The following MAGI1 variants were observed in gnomAD, a reference collection of about 807,000 sequenced individuals.
The protein encoded by MAGI1 is membrane associated guanylate kinase, WW and PDZ domain containing 1.
A neutral mutation model predicts 139.9 loss-of-function variants in MAGI1; 58 were observed. The ratio of observed to expected loss-of-function variants is 0.41; its 90% confidence interval spans 0.34 to 0.52. The LOEUF is 0.52. MAGI1 is among the 20% of genes least tolerant of loss of function. MAGI1 has a pLI of 0.12. For missense variants in MAGI1, 1,874 were observed against 1,901.6 expected (o/e 0.99, Z 0.27); for synonymous variants, 812 against 737.9 (o/e 1.10, Z -1.63).
At chr3:65,749,774 T>A (rs546258945) in intron 1 of MAGI1, among the ~76,000 whole-genome samples, 1 of 150,040 alleles carries the variant, frequency 6.7e-6, no homozygotes, top group African/African-American at 2.4e-5. Context: ...TTGAGGGTTA[T>A]AGCCAGTAGA....
chr3:65,958,335 T>C (rs897855647), intron 1 of MAGI1, among the ~76,000 whole-genome samples: 2 of 152,200 alleles, frequency 1.3e-5, no homozygotes, highest in Non-Finnish European at 2.9e-5. Context: ...CACCCTCCAA[T>C]GTTCAACTCA....
At chr3:65,551,457 C>A (rs772786251) in intron 2 of MAGI1, among the ~76,000 whole-genome samples, 1 of 152,156 alleles carries the variant, frequency 6.6e-6, no homozygotes, top group Non-Finnish European at 1.5e-5. Context: ...CGCACCACCG[C>A]GCGCGGCTAA....
intron 2 of MAGI1, among the ~76,000 whole-genome samples, chr3:65,514,141 T>A (rs2077738873): frequency 6.6e-6 from 1 of 150,714 alleles, no homozygotes; most frequent in South Asian, 2.1e-4. Context: ...TCCTTATACC[T>A]TATACAAAAA....
intron 1 of MAGI1, among the ~76,000 whole-genome samples, chr3:65,683,393 G>T (rs2087731179): frequency 6.6e-6 from 1 of 151,900 alleles, no homozygotes; most frequent in African/African-American, 2.4e-5. Context: ...ACGTACAGGG[G>T]TAGGGAGTAT....
intron 1 of MAGI1, among the ~76,000 whole-genome samples, chr3:65,938,562 G>C (rs900785445): frequency 2.6e-5 from 4 of 151,836 alleles, no homozygotes; most frequent in Admixed American, 1.3e-4. Flanking sequence ...CTCGCCAAGA[G>C]ACTTGACACT....
At chr3:65,460,062 A>T (rs977661909) in intron 5 of MAGI1, among the ~76,000 whole-genome samples, 3 of 152,230 alleles carry the variant, frequency 2.0e-5, no homozygotes, top group Non-Finnish European at 2.9e-5. Flanking sequence ...GATGCTCTTT[A>T]ACAAGTCAAA....
chr3:65,616,938 G>A (rs1466305118), intron 2 of MAGI1, among the ~76,000 whole-genome samples: 1 of 152,152 alleles, frequency 6.6e-6, no homozygotes, highest in Admixed American at 6.5e-5. Flanking sequence ...AAGCCATCCT[G>A]GAAACAACTA....
intron 1 of MAGI1, among the ~76,000 whole-genome samples, chr3:65,985,791 A>G (rs985015614): frequency 2.0e-5 from 3 of 152,146 alleles, no homozygotes; most frequent in Admixed American, 1.3e-4. Flanking sequence ...TTTGGCTCAC[A>G]TTTTTTGCAT....
Position 65,568,983 on chromosome 3 carries a change from T to C in MAGI1, c.430+52989A>G, listed in dbSNP as rs573720319. ...GTGCTAAATCCAGCCAGCTGATAAA[T>C]GTTTTGTTTGGCTCACACAGTACTT... is the stretch of plus-strand genomic sequence containing the variant. On this transcript the variant is annotated intron_variant, in intron 2 of 22. Transcript: ENST00000402939. Among the ~76,000 whole-genome samples, 127 of 152,328 alleles carry C rather than the reference T, an allele frequency of 8.3e-4. 1 individual carries two copies. The highest frequency in any genetic ancestry group is 3.0e-3 in the African/African-American group (123 of 41,580).
intron 1 of MAGI1, among the ~76,000 whole-genome samples, chr3:65,625,906 T>C (rs1260351704): frequency 1.3e-5 from 2 of 152,200 alleles, no homozygotes; most frequent in East Asian, 3.9e-4. Flanking sequence ...ATTTAGTGTG[T>C]GGTTAATGTA....
At chr3:65,465,398 C>T (rs77756527) in intron 5 of MAGI1, among the ~76,000 whole-genome samples, 2,707 of 151,332 alleles carry the variant, frequency 0.018, 81 homozygotes, top group African/African-American at 0.06. Flanking sequence ...AGAGAACATC[C>T]ATTGGCCATT....
intron 5 of MAGI1, among the ~76,000 whole-genome samples, chr3:65,458,689 CTATA>C (rs1949569088): frequency 6.6e-6 from 1 of 152,078 alleles, no homozygotes; most frequent in Admixed American, 6.6e-5. Context: ...CTTGAGCTCC[CTATA>C]TATATTCTCG....
At chr3:65,771,466 T>C (rs995462368) in intron 1 of MAGI1, among the ~76,000 whole-genome samples, 1 of 152,124 alleles carries the variant, frequency 6.6e-6, no homozygotes, top group African/African-American at 2.4e-5. Flanking sequence ...CAGGGAAACA[T>C]AGAGATATTT....
intron 1 of MAGI1, among the ~76,000 whole-genome samples, chr3:65,721,740 A>T (rs756400865): frequency 6.6e-6 from 1 of 152,154 alleles, no homozygotes; most frequent in Non-Finnish European, 1.5e-5. Context: ...ACTCCAAAGA[A>T]TGTGACAATG....
At chr3:65,797,063 C>T (rs897679665) in intron 1 of MAGI1, among the ~76,000 whole-genome samples, 4 of 152,128 alleles carry the variant, frequency 2.6e-5, no homozygotes, top group Non-Finnish European at 5.9e-5. Flanking sequence ...CTTAGCTATG[C>T]CGCATGAGTT....
intron 13 of MAGI1, among the ~76,000 whole-genome samples, chr3:65,399,462 A>G (rs1438508006): frequency 6.6e-6 from 1 of 152,226 alleles, no homozygotes; most frequent in East Asian, 1.9e-4. Context: ...AATTTTGTAC[A>G]GCAACTGCCA....
chr3:65,778,439 A>T (rs2107989959), intron 1 of MAGI1, among the ~76,000 whole-genome samples: 1 of 133,632 alleles, frequency 7.5e-6, no homozygotes, highest in South Asian at 2.4e-4. Flanking sequence ...TCAAAAAAAA[A>T]AAAAATAAAT....
intron 2 of MAGI1, among the ~76,000 whole-genome samples, chr3:65,580,418 C>A (rs1315683412): frequency 6.6e-6 from 1 of 151,886 alleles, no homozygotes; most frequent in Non-Finnish European, 1.5e-5. Context: ...CAGCTACAGA[C>A]ATCAGAAGTG....
chr3:65,968,503 CG>C (rs1283727001), intron 1 of MAGI1, among the ~76,000 whole-genome samples: 1 of 151,622 alleles, frequency 6.6e-6, no homozygotes, highest in Non-Finnish European at 1.5e-5. Flanking sequence ...TAGCTGTAAA[CG>C]TGAAGTGGAA....
Sources: gnomAD v4.1 joint callset for allele counts (sites outside exome capture counted in the v4.1 genomes callset) on GRCh38, gnomAD v4.1.1 for gene constraint, MANE v1.5 for transcripts, NCBI Gene and HGNC (gene_info 2026-07-23, HGNC 2026-07-21) for gene names.